Variants in SOX5 observed in about 807,000 individuals in gnomAD.
The protein encoded by SOX5 is SRY-box transcription factor 5, also known as transcription factor SOX-5.
Under a neutral mutation model 92.0 loss-of-function variants are expected in SOX5, and 9 were observed. The ratio of observed to expected loss-of-function variants is 0.10; its 90% CI spans 0.06 to 0.17. The LOEUF (loss-of-function observed/expected upper bound fraction) is 0.17, where lower values mean the gene tolerates loss of function less well. Ranked by LOEUF, SOX5 falls within the 10% of genes least tolerant of loss-of-function variation. The pLI is 1.00. For synonymous variants in SOX5, 344 were observed against 336.3 expected, an observed-to-expected ratio of 1.02 and a Z score of -0.25; for missense variants, 642 against 944.5, an observed-to-expected ratio of 0.68 and a Z score of 4.20.
chr12:24,081,559 T>G (rs1038245000), intron 4 of SOX5, among the ~76,000 whole-genome samples: 7 of 151,978 alleles, frequency 4.6e-5, no homozygotes, highest in Non-Finnish European at 1.0e-4. Context: ...TCACATTCCT[T>G]TATTTTTTTT....
intron 13 of SOX5, among the ~76,000 whole-genome samples, chr12:23,539,351 T>A (rs1460092955): frequency 1.3e-5 from 2 of 152,342 alleles, no homozygotes; most frequent in African/African-American, 4.8e-5. Flanking sequence ...TTGCAGCTTA[T>A]ATTCAGTCAG....
intron 4 of SOX5, among the ~76,000 whole-genome samples, chr12:24,068,919 C>A (rs1404704328): frequency 6.7e-6 from 1 of 150,090 alleles, no homozygotes; most frequent in Non-Finnish European, 1.5e-5. Context: ...GTTGGAGCCT[C>A]AAATACAGGA....
chr12:23,997,004 G>A (rs144423205), intron 4 of SOX5, among the ~76,000 whole-genome samples: 1 of 152,110 alleles, frequency 6.6e-6, no homozygotes, highest in Non-Finnish European at 1.5e-5. Context: ...TTGAAGGAGA[G>A]TCTTTTTGAA....
At chr12:24,207,943 A>G (rs1749047265) in intron 4 of SOX5, among the ~76,000 whole-genome samples, 1 of 152,206 alleles carries the variant, frequency 6.6e-6, no homozygotes, top group South Asian at 2.1e-4. Flanking sequence ...TCTCAAAACA[A>G]TTCATGCCCT....
At chr12:24,103,093 C>A (rs527238588) in intron 4 of SOX5, among the ~76,000 whole-genome samples, 55 of 152,212 alleles carry the variant, frequency 3.6e-4, no homozygotes, top group Middle Eastern at 3.4e-3. Flanking sequence ...CTTTGAGAAT[C>A]CATAATAGAT....
At chr12:23,981,781 A>T (rs950389228) in intron 4 of SOX5, among the ~76,000 whole-genome samples, 3 of 152,152 alleles carry the variant, frequency 2.0e-5, no homozygotes, top group African/African-American at 7.2e-5. Context: ...ATTAATTAAC[A>T]ATTAATTCTT....
At chr12:23,940,714 A>G (rs1490404308) in intron 1 of SOX5, among the ~76,000 whole-genome samples, 1 of 149,108 alleles carries the variant, frequency 6.7e-6, no homozygotes, top group Non-Finnish European at 1.5e-5. Flanking sequence ...CTAGAAGAGG[A>G]AATTATTTTA....
chr12:23,627,231 C>A (rs2077945837), intron 8 of SOX5, among the ~76,000 whole-genome samples: 1 of 152,046 alleles, frequency 6.6e-6, no homozygotes, highest in African/African-American at 2.4e-5. Context: ...GAAAGAGAGA[C>A]ATAGATTATT....
At chr12:24,183,309 T>A (rs560266801) in intron 4 of SOX5, among the ~76,000 whole-genome samples, 1 of 152,314 alleles carries the variant, frequency 6.6e-6, no homozygotes, top group East Asian at 1.9e-4. Context: ...CCACAATTTT[T>A]AAAAATTTAT....
intron 4 of SOX5, among the ~76,000 whole-genome samples, chr12:24,092,946 A>T (rs935389063): frequency 6.6e-6 from 1 of 152,172 alleles, no homozygotes; most frequent in African/African-American, 2.4e-5. Context: ...AGGCTAATAG[A>T]CTAGAAGGTG....
chr12:23,639,023 G>T (rs1032552785), intron 8 of SOX5, among the ~76,000 whole-genome samples: 15 of 151,956 alleles, frequency 9.9e-5, no homozygotes, highest in Non-Finnish European at 4.4e-5. Flanking sequence ...TAAAACTCAT[G>T]CATTTTAATG....
chr12:23,584,609 GT>G (rs1566040582), intron 9 of SOX5: 1 of 1,602,926 alleles, frequency 6.2e-7, no homozygotes, highest in African/African-American at 1.3e-5. Flanking sequence ...ATAACTGACT[GT>G]TTAATGAGTA....
intron 3 of SOX5, among the ~76,000 whole-genome samples, chr12:23,824,849 T>C (rs2096198464): frequency 1.3e-5 from 2 of 152,228 alleles, no homozygotes. Flanking sequence ...TGGTGGGCTC[T>C]GCCCAGTCTG....
chr12:23,873,306 A>C (rs202138840), intron 2 of SOX5, among the ~76,000 whole-genome samples: 2 of 26,398 alleles, frequency 7.6e-5, no homozygotes, highest in Non-Finnish European at 1.7e-4. Flanking sequence ...CTGTCTCTCC[A>C]AAAAAAAAAG....
At chr12:24,259,369 C>T (rs982802397) in intron 3 of SOX5, among the ~76,000 whole-genome samples, 2 of 152,280 alleles carry the variant, frequency 1.3e-5, no homozygotes, top group Non-Finnish European at 2.9e-5. Context: ...TATATATTTA[C>T]ATATACACGC....
intron 1 of SOX5, among the ~76,000 whole-genome samples, chr12:24,494,396 C>A (rs909804939): frequency 4.6e-5 from 7 of 152,158 alleles, no homozygotes; most frequent in Non-Finnish European, 1.0e-4. Flanking sequence ...AATAATAATA[C>A]CTTTGAAAAT....
At chr12:23,693,457 G>A (rs2089257064) in intron 6 of SOX5, among the ~76,000 whole-genome samples, 1 of 152,116 alleles carries the variant, frequency 6.6e-6, no homozygotes, top group South Asian at 2.1e-4. Flanking sequence ...TGATAAAACT[G>A]TTTCAAGCTA....
chr12:24,002,518 GAAGA>G (rs1951707276), intron 4 of SOX5, among the ~76,000 whole-genome samples: 1 of 136,966 alleles, frequency 7.3e-6, no homozygotes, highest in Admixed American at 7.3e-5. Flanking sequence ...AGTGGATCAA[GAAGA>G]AACAGAAAAT....
At chr12:24,216,487 A>G (rs908873418) in intron 3 of SOX5, among the ~76,000 whole-genome samples, 1 of 151,686 alleles carries the variant, frequency 6.6e-6, no homozygotes, top group Non-Finnish European at 1.5e-5. Flanking sequence ...CCGCCTCGGA[A>G]AAAAAAAATA....
Sources: gnomAD v4.1 joint callset for allele counts (sites outside exome capture counted in the v4.1 genomes callset) on GRCh38, gnomAD v4.1.1 for gene constraint, MANE v1.5 for transcripts, NCBI Gene and HGNC (gene_info 2026-07-23, HGNC 2026-07-21) for gene names.